The following FAM8A1 variants were observed in gnomAD, a reference collection of about 807,000 sequenced individuals.
The protein encoded by FAM8A1 is protein FAM8A1.
A neutral mutation model predicts 38.3 loss-of-function variants in FAM8A1; 18 were observed. That is an observed-to-expected ratio of 0.47 (90% CI 0.33 to 0.70). The LOEUF is 0.70. Among genes scored for constraint, FAM8A1 ranks in the 30% least tolerant of loss-of-function variants. The pLI is 0.03. For synonymous variants in FAM8A1, 246 were observed against 234.4 expected (o/e 1.05, Z -0.45); for missense variants, 559 against 559.6 (o/e 1.00, Z 0.01).
chr6:17,610,046 G>A lies in FAM8A1; in HGVS notation c.*1707G>A, dbSNP rs1212457989. On this transcript the variant is annotated 3_prime_UTR_variant, in exon 5 of 5. Transcript: ENST00000259963. ...AAATAAATCATTCAGTTGCACCCAT[G>A]GGGAAGATTGTGTTACTGCCCTTCA... 6.6e-6 allele frequency: 1 copy of A among 151,990 alleles called. No homozygotes were observed. The highest frequency in any genetic ancestry group is 1.5e-5 in the Non-Finnish European group (1 of 67,950). 9.4% of individuals were successfully genotyped at this position (151,990 alleles called of 1,614,324 possible).
chr6:17,608,290 A>G lies in FAM8A1; in HGVS notation c.1193A>G (p.Tyr398Cys). 6.2e-7 allele frequency: 1 copy of G among 1,613,168 alleles called. No homozygotes were observed. Among genetic ancestry groups the G allele is most frequent in the Non-Finnish European group, 8.5e-7 (1 of 1,179,778 alleles). Reference sequence around the variant, plus strand: ...TTTTTTCAGCATAATCGAACAGCTTATGACATTGTAGCAGGAACCATTGTG... The same window carrying G: ...TTTTTTCAGCATAATCGAACAGCTTGTGACATTGTAGCAGGAACCATTGTG... Reference protein sequence around the residue: ...LLFFQHNRTAYDIVAGTIVVK... With the variant: ...LLFFQHNRTACDIVAGTIVVK... The change falls in exon 5 of 5, where the codon TAT (tyrosine) becomes TGT (cysteine). Residue 398 changes from tyrosine to cysteine, a missense_variant. This residue lies in a region of FAM8A1 where 166 missense variants were observed against 220.8 expected (regional missense o/e 0.75). Transcript: ENST00000259963.
intron 3 of FAM8A1, among the ~76,000 whole-genome samples, chr6:17,605,468 G>GT (rs11399580): frequency 0.49 from 74,047 of 151,730 alleles, 18,514 homozygotes; most frequent in Middle Eastern, 0.76. Context: ...CTACTTTTCT[G>GT]TTTTTTTTCC....
intron 1 of FAM8A1, among the ~76,000 whole-genome samples, chr6:17,601,850 G>A (rs1763989699): frequency 6.6e-6 from 1 of 150,912 alleles, no homozygotes; most frequent in Non-Finnish European, 1.5e-5. Context: ...TAAAAAACGG[G>A]TGGGGGGGGA....
chr6:17,604,051 T>C (rs764056214), intron 2 of FAM8A1, among the ~76,000 whole-genome samples: 11 of 152,078 alleles, frequency 7.2e-5, no homozygotes, highest in Non-Finnish European at 1.6e-4. Flanking sequence ...TTTCCTACCT[T>C]AAAACCCTTC....
Position 17,608,254 on chromosome 6 carries a change from TCA to T in FAM8A1, c.1161_1162del (p.Leu388AlafsTer6). On this transcript the variant is annotated frameshift_variant, in exon 5 of 5. Coordinates refer to ENST00000259963, the MANE Select transcript of FAM8A1 (RefSeq NM_016255.3). LOFTEE classifies it high-confidence loss of function. ...ATTGCTTCTTTTTTCCCTGCTTTCA[TCA>T]CACTGCTGTTTTTTCAGCATAATCG... 1.2e-6 allele frequency: 2 copies of T among 1,613,864 alleles called. No homozygotes were observed. The highest frequency in any genetic ancestry group is 1.7e-6 in the Non-Finnish European group (2 of 1,179,816).
In FAM8A1 at chr6:17,600,327, G is replaced by A; in HGVS notation, c.-83G>A. On this transcript the variant is annotated 5_prime_UTR_variant, in exon 1 of 5. It adds an upstream start codon to the 5' untranslated region. Coordinates refer to ENST00000259963, the MANE Select transcript of FAM8A1 (RefSeq NM_016255.3). Reference sequence around the variant, plus strand: ...GTTGACGCCTGCGGTTGCTGCGGTGGTGACGGGGCTGTTGGGGAGGGGCCA... The same window carrying A: ...GTTGACGCCTGCGGTTGCTGCGGTGATGACGGGGCTGTTGGGGAGGGGCCA... The A allele has an allele frequency of 7.7e-7, 1 of 1,298,112 alleles. No homozygotes were observed. The highest frequency in any genetic ancestry group is 9.8e-7 in the Non-Finnish European group (1 of 1,021,284). The allele number at this position is 1,298,112 out of a possible 1,614,324, so 80.4% of individuals were successfully genotyped here.
In FAM8A1 at chr6:17,611,397, A is replaced by C. The variant is rs1421126215; in HGVS notation, c.*3058A>C. 6.6e-6 allele frequency: 1 copy of C among 152,634 alleles called. No homozygotes were observed. The highest frequency in any genetic ancestry group is 1.5e-5 in the Non-Finnish European group (1 of 68,020). 9.5% of individuals were successfully genotyped at this position (152,634 alleles called of 1,614,324 possible). ...TATTAAATGTTTTCGTTATATACTT[A>C]TCCCTATTAAAACAGGCAGTTGTTT... On this transcript the variant is annotated 3_prime_UTR_variant, in exon 5 of 5. Coordinates refer to ENST00000259963, the MANE Select transcript of FAM8A1 (RefSeq NM_016255.3).
In FAM8A1 at chr6:17,601,066, G is replaced by A. The variant is rs190465234; in HGVS notation, c.657G>A (p.Thr219=). 2 of 1,598,770 alleles carry A rather than the reference G, an allele frequency of 1.3e-6. No homozygotes were observed. Among genetic ancestry groups the A allele is most frequent in the East Asian group, 2.3e-5 (1 of 44,380 alleles). Reference sequence around the variant, plus strand: ...CGTCGGTCCGGGCCACTCCAGTGACGAGGGTAGGATCCGCAGCCCCTTCGC... The same window carrying A: ...CGTCGGTCCGGGCCACTCCAGTGACAAGGGTAGGATCCGCAGCCCCTTCGC... ...VQASVRATPV[T]RVGSAAPSRS... Residue 219 remains threonine (T), a synonymous_variant, in exon 1 of 5, where the codon ACG becomes ACA. Transcript: ENST00000259963.
In FAM8A1 at chr6:17,600,372, C is replaced by T. The variant is rs766788479; in HGVS notation, c.-38C>T. The T allele has an allele frequency of 2.1e-5, 29 of 1,352,712 alleles. No homozygotes were observed. The highest frequency in any genetic ancestry group is 2.8e-5 in the Non-Finnish European group (29 of 1,050,632). 83.8% of individuals were successfully genotyped at this position (1,352,712 alleles called of 1,614,324 possible). A position where few individuals can be genotyped will look rare whatever the true frequency, so the allele number is the denominator to read the frequency against. On this transcript the variant is annotated 5_prime_UTR_variant, in exon 1 of 5. Coordinates refer to ENST00000259963, the MANE Select transcript of FAM8A1 (RefSeq NM_016255.3). ...GGGCCATTGGGGGAGGGAAACGGAG[C>T]AGTGACAGGTATCCCAGAGGGTGCT...
intron 1 of FAM8A1, among the ~76,000 whole-genome samples, chr6:17,601,851 T>TG (rs201645514): frequency 0.01 from 1,491 of 142,838 alleles, 25 homozygotes; most frequent in Middle Eastern, 0.031. Context: ...AAAAAACGGG[T>TG]GGGGGGGGAT....
rs1045237625 is a variant in FAM8A1, at chr6:17,611,593, GT to G, written c.*3255del. 4.6e-5 allele frequency: 7 copies of G among 152,534 alleles called. No homozygotes were observed. Among genetic ancestry groups the G allele is most frequent in the African/African-American group, 1.7e-4 (7 of 41,428 alleles). 9.4% of individuals were successfully genotyped at this position (152,534 alleles called of 1,614,324 possible). On this transcript the variant is annotated 3_prime_UTR_variant, in exon 5 of 5. Coordinates refer to ENST00000259963, the MANE Select transcript of FAM8A1 (RefSeq NM_016255.3). Reference sequence around the variant, plus strand: ...ACATACTTCTTTGCAGTTCATTATAGTAAGGCTTAACCTGTAAACAGTATCT... The same window carrying G: ...ACATACTTCTTTGCAGTTCATTATAGAAGGCTTAACCTGTAAACAGTATCT...
At chr6:17,604,328 C>T (rs1581640492) in intron 2 of FAM8A1, among the ~76,000 whole-genome samples, 1 of 152,260 alleles carries the variant, frequency 6.6e-6, no homozygotes, top group Non-Finnish European at 1.5e-5. Context: ...ACCACCACAC[C>T]CTGCCTTTAT....
rs1764142115 is a variant in FAM8A1, at chr6:17,611,325, C to T, written c.*2986C>T. ...TAGAAAGGAATTGAAAATTAATTTACACTAGTTGCTACTTGGGAATAAAGG... is the reference window on the plus strand; with the variant it reads ...TAGAAAGGAATTGAAAATTAATTTATACTAGTTGCTACTTGGGAATAAAGG... On this transcript the variant is annotated 3_prime_UTR_variant, in exon 5 of 5. Transcript: ENST00000259963. 1 of 152,532 alleles carries T rather than the reference C, an allele frequency of 6.6e-6. No individual in the cohort carries two copies. Among genetic ancestry groups the T allele is most frequent in the Non-Finnish European group, 1.5e-5 (1 of 68,010 alleles). 9.4% of individuals were successfully genotyped at this position (152,532 alleles called of 1,614,324 possible). A position where few individuals can be genotyped will look rare whatever the true frequency, so the allele number is the denominator to read the frequency against.
intron 2 of FAM8A1, among the ~76,000 whole-genome samples, chr6:17,604,333 C>CT (rs1764025218): frequency 6.6e-6 from 1 of 152,110 alleles, no homozygotes; most frequent in African/African-American, 2.4e-5. Context: ...CACACCCTGC[C>CT]TTTATTTCTT....
At chr6:17,605,465 T>G (rs1764040349) in intron 3 of FAM8A1, among the ~76,000 whole-genome samples, 1 of 115,248 alleles carries the variant, frequency 8.7e-6, no homozygotes, top group African/African-American at 3.1e-5. Flanking sequence ...TGTCTACTTT[T>G]CTGTTTTTTT....
In FAM8A1 at chr6:17,611,604, C is replaced by T. The variant is rs1280177499; in HGVS notation, c.*3265C>T. ...TGCAGTTCATTATAGTAAGGCTTAA[C>T]CTGTAAACAGTATCTGATGGCCCAC... On this transcript the variant is annotated 3_prime_UTR_variant, in exon 5 of 5. Transcript: ENST00000259963. 2 of 152,436 alleles carry T rather than the reference C, an allele frequency of 1.3e-5. No homozygotes were observed. The highest frequency in any genetic ancestry group is 4.8e-5 in the African/African-American group (2 of 41,430). The allele number at this position is 152,436 out of a possible 1,614,324, so 9.4% of individuals were successfully genotyped here.
chr6:17,602,775 TTC>T, intron 2 of FAM8A1, 65 bp downstream of exon 2: 3 of 1,532,662 alleles, frequency 2.0e-6, no homozygotes, highest in Non-Finnish European at 2.6e-6. Flanking sequence ...TTTTATTACA[TTC>T]TGTTTGTCTA....
At chr6:17,601,218 C>G in intron 1 of FAM8A1, 97 bp downstream of exon 1, 1 of 1,436,968 alleles carries the variant, frequency 7.0e-7, no homozygotes, top group South Asian at 1.3e-5. Context: ...ACTGCTGCTT[C>G]TACTCTGATT....
chr6:17,602,538 C>A, intron 1 of FAM8A1, 52 bp from the exon 2 acceptor site: 5 of 1,465,844 alleles, frequency 3.4e-6, no homozygotes, highest in Non-Finnish European at 3.6e-6. Context: ...TGTTCCAAGG[C>A]TTATGTGAAA....
Sources: gnomAD v4.1 joint callset for allele counts (sites outside exome capture counted in the v4.1 genomes callset) on GRCh38, gnomAD v4.1.1 for gene constraint, gnomAD v4.1.1 regional missense constraint, MANE v1.5 for transcripts, NCBI Gene and HGNC (gene_info 2026-07-23, HGNC 2026-07-21) for gene names.